OTOGL: variants seen among roughly 807,000 people sequenced by gnomAD.
OTOGL encodes otogelin-like protein.
A neutral mutation model predicts 318.5 loss-of-function variants in OTOGL; 285 were observed. The ratio of observed to expected loss-of-function variants is 0.89; its 90% CI spans 0.81 to 0.99. The LOEUF (loss-of-function observed/expected upper bound fraction) is 0.99, where lower values mean the gene tolerates loss of function less well. Among genes scored for constraint, OTOGL ranks in the 50% least tolerant of loss-of-function variants. The pLI is 0.00. For missense variants in OTOGL, 2,899 were observed against 2,845.6 expected (o/e 1.02, Z -0.43); for synonymous variants, 987 against 936.5 (o/e 1.05, Z -0.99).
chr12:80,144,052 T>C (rs1009645950), intron 1 of OTOGL, among the ~76,000 whole-genome samples: 4 of 151,990 alleles, frequency 2.6e-5, no homozygotes, highest in Non-Finnish European at 4.4e-5. Flanking sequence ...CTTTTCTTTT[T>C]TTTTTTTTCT....
chr12:80,341,880 A>G, intron 43 of OTOGL, 68 bp from the exon 44 acceptor site: 1 of 1,017,922 alleles, frequency 9.8e-7, no homozygotes. Flanking sequence ...CAATTATTTA[A>G]CTGATTTAGT....
chr12:80,168,242 A>G (rs926647203), intron 1 of OTOGL, among the ~76,000 whole-genome samples: 4 of 152,028 alleles, frequency 2.6e-5, no homozygotes, highest in Admixed American at 6.6e-5. Context: ...TCAGGCTACA[A>G]ACTTTTTCAA....
chr12:80,105,947 T>C (rs563877057), intron 1 of OTOGL, among the ~76,000 whole-genome samples: 8 of 152,334 alleles, frequency 5.3e-5, no homozygotes, highest in African/African-American at 1.9e-4. Context: ...TAAAAACGTT[T>C]CCATAAAAAC....
At chr12:80,191,089 T>C (rs1182278116) in intron 1 of OTOGL, among the ~76,000 whole-genome samples, 1 of 152,128 alleles carries the variant, frequency 6.6e-6, no homozygotes, top group East Asian at 1.9e-4. Context: ...CTAGGATAGA[T>C]CAAACCTGGC....
At chr12:80,275,050 A>G (rs937083209) in intron 24 of OTOGL, among the ~76,000 whole-genome samples, 3 of 151,934 alleles carry the variant, frequency 2.0e-5, no homozygotes, top group Non-Finnish European at 4.4e-5. Context: ...TAACACATTT[A>G]TTTTGCAGCC....
intron 7 of OTOGL, among the ~76,000 whole-genome samples, chr12:80,225,449 A>T (rs1028773504): frequency 3.3e-5 from 5 of 152,106 alleles, no homozygotes; most frequent in African/African-American, 1.2e-4. Context: ...CTTTCAAATA[A>T]ATACATCAAT....
chr12:80,255,263 T>C, intron 16 of OTOGL, 78 bp downstream of exon 16: 3 of 1,253,156 alleles, frequency 2.4e-6, no homozygotes, highest in Non-Finnish European at 3.1e-6. Flanking sequence ...CTAAGAATGA[T>C]AACATGAGTG....
intron 52 of OTOGL, among the ~76,000 whole-genome samples, chr12:80,362,580 T>C (rs1890302239): frequency 6.6e-6 from 1 of 152,192 alleles, no homozygotes; most frequent in Non-Finnish European, 1.5e-5. Context: ...AGTATAGATA[T>C]CTTAACAATA....
At position 80,358,776 on chromosome 12, in the gene OTOGL, G is replaced by T; in HGVS notation, c.6226+1G>T. On this transcript the variant is annotated splice_donor_variant, in intron 51 of 58. Transcript: ENST00000547103. LOFTEE classifies it high-confidence loss of function. Reference sequence around the variant, plus strand: ...CAATGTTGCCCAACATGGCACTGTGGTAACTAATTTTCATATTTTAAGGTT... The same window carrying T: ...CAATGTTGCCCAACATGGCACTGTGTTAACTAATTTTCATATTTTAAGGTT... The T allele has an allele frequency of 6.3e-7, 1 of 1,598,530 alleles. No individual in the cohort carries two copies. The highest frequency in any genetic ancestry group is 8.6e-7 in the Non-Finnish European group (1 of 1,167,918).
chr12:80,153,746 A>G (rs1047697311), intron 1 of OTOGL, among the ~76,000 whole-genome samples: 3 of 152,138 alleles, frequency 2.0e-5, no homozygotes, highest in Admixed American at 1.3e-4. Flanking sequence ...GCAACCACAG[A>G]TATTTTTTAT....
At position 80,126,183 on chromosome 12, in the gene OTOGL, G is replaced by A. The variant is rs138801420; in HGVS notation, c.-20+26578G>A. Among the ~76,000 whole-genome samples the A allele has an allele frequency of 9.1e-3, 1,377 of 152,014 alleles. 12 individuals are homozygous for A. The highest frequency in any genetic ancestry group is 0.017 in the Non-Finnish European group (1,123 of 67,938). The stretch of plus-strand genomic sequence containing the variant: ...CTTTCTCTTGTGGGCATTTAGTGCT[G>A]TAAATTTCCCTCTACACACTGCTTT... On this transcript the variant is annotated intron_variant, in intron 1 of 58. Transcript: ENST00000547103.
Position 80,169,818 on chromosome 12 carries a change from T to A in OTOGL, c.-19-39595T>A, listed in dbSNP as rs140895904. Among the ~76,000 whole-genome samples the A allele has an allele frequency of 2.9e-3, 435 of 152,328 alleles. 3 individuals carry two copies. The highest frequency in any genetic ancestry group is 0.024 in the Admixed American group (363 of 15,290). On this transcript the variant is annotated intron_variant, in intron 1 of 58. Transcript: ENST00000547103. Reference sequence around the variant, plus strand: ...AGATTCTATCACTTAGCAGGACACATCTGTCCTTATTGCATATATCGATAG... The same window carrying A: ...AGATTCTATCACTTAGCAGGACACAACTGTCCTTATTGCATATATCGATAG...
chr12:80,138,035 A>C (rs1871688537), intron 1 of OTOGL, among the ~76,000 whole-genome samples: 1 of 152,198 alleles, frequency 6.6e-6, no homozygotes, highest in Non-Finnish European at 1.5e-5. Context: ...TGGTTTATAA[A>C]TAAATCTGGG....
intron 1 of OTOGL, among the ~76,000 whole-genome samples, chr12:80,142,847 G>C (rs1182705419): frequency 6.6e-6 from 1 of 152,152 alleles, no homozygotes; most frequent in Non-Finnish European, 1.5e-5. Flanking sequence ...GGATGAGTCA[G>C]GGAAGATGTA....
intron 44 of OTOGL, among the ~76,000 whole-genome samples, chr12:80,351,625 G>GA (rs1257757039): frequency 3.7e-4 from 57 of 152,144 alleles, no homozygotes; most frequent in Non-Finnish European, 5.0e-4. Flanking sequence ...GATGGACTAT[G>GA]AAAAAATACT....
At chr12:80,299,441 G>A (rs1371627377) in intron 27 of OTOGL, among the ~76,000 whole-genome samples, 1 of 152,102 alleles carries the variant, frequency 6.6e-6, no homozygotes, top group Non-Finnish European at 1.5e-5. Context: ...TCACTTGTAT[G>A]TAGGTGTTAA....
chr12:80,379,491 G>C lies in OTOGL; in HGVS notation c.*1443G>C, dbSNP rs1891350712. On this transcript the variant is annotated 3_prime_UTR_variant, in exon 59 of 59. Coordinates refer to ENST00000547103, the MANE Select transcript of OTOGL (RefSeq NM_001378609.3). ...GCATCTGCAAATCCCAGTGTTTACT[G>C]TATATGCAATTGATTTATCCTGTTT... The C allele has an allele frequency of 6.6e-6, 1 of 151,738 alleles. No homozygotes were observed. Among genetic ancestry groups the C allele is most frequent in the Admixed American group, 6.6e-5 (1 of 15,216 alleles). The allele number at this position is 151,738 out of a possible 1,614,324, so 9.4% of individuals were successfully genotyped here.
At chr12:80,370,849 A>T (rs546766100) in intron 56 of OTOGL, 160 bp downstream of exon 56, 1 of 534,448 alleles carries the variant, frequency 1.9e-6, no homozygotes, top group African/African-American at 2.0e-5. Context: ...TCCCATTTGA[A>T]ATTTTGAGTT....
intron 29 of OTOGL, among the ~76,000 whole-genome samples, chr12:80,307,730 C>T (rs368398242): frequency 7.0e-6 from 1 of 142,604 alleles, no homozygotes; most frequent in Non-Finnish European, 1.5e-5. Flanking sequence ...GGCGGCTGGC[C>T]GAGCGGGGGG....
Sources: allele counts gnomAD v4.1 joint callset (sites outside exome capture counted in the v4.1 genomes callset), GRCh38; gene constraint gnomAD v4.1.1; transcripts MANE v1.5; gene names NCBI Gene and HGNC (gene_info 2026-07-23, HGNC 2026-07-21).